The following ACVR1C variants were observed in gnomAD, a reference collection of about 807,000 sequenced individuals.
ACVR1C encodes the protein activin receptor type-1C.
ACVR1C carries 23 observed loss-of-function variants against 57.9 expected under a neutral mutation model. The observed-to-expected ratio is 0.40, with a 90% CI of 0.29 to 0.56. The LOEUF is 0.56. Among genes scored for constraint, ACVR1C ranks in the 20% least tolerant of loss-of-function variants. The pLI is 0.50. For missense variants in ACVR1C, 480 were observed against 607.9 expected, an observed-to-expected ratio of 0.79 and a Z score of 2.21; for synonymous variants, 214 against 215.3, an observed-to-expected ratio of 0.99 and a Z score of 0.05.
chr2:157,604,434 G>C (rs959192728), intron 1 of ACVR1C, among the ~76,000 whole-genome samples: 6 of 151,922 alleles, frequency 3.9e-5, no homozygotes, highest in African/African-American at 1.4e-4. Context: ...CACATCAGGA[G>C]CTTTTTTGAA....
chr2:157,565,114 T>A (rs1244516036), intron 2 of ACVR1C, among the ~76,000 whole-genome samples: 4 of 151,854 alleles, frequency 2.6e-5, no homozygotes, highest in Non-Finnish European at 5.9e-5. Context: ...TCCCAGAATT[T>A]AAAGTAAAAT....
At chr2:157,539,183 T>C (rs1473291294) in intron 7 of ACVR1C, among the ~76,000 whole-genome samples, 1 of 152,080 alleles carries the variant, frequency 6.6e-6, no homozygotes, top group African/African-American at 2.4e-5. Flanking sequence ...AGATAACTTT[T>C]TCAAAACAAA....
Position 157,554,217 on chromosome 2 carries a change from A to AAGAG in ACVR1C, c.544+1875_544+1876insCTCT, listed in dbSNP as rs1558974862. ...TAAAGAAGAGAGAAAGAAAGAAAGA[A>AAGAG]AGAAAGAAAGAAAGAAAGAAAGAAA... On this transcript the variant is annotated intron_variant, in intron 3 of 8. Coordinates refer to ENST00000243349, the MANE Select transcript of ACVR1C (RefSeq NM_145259.3). Among the ~76,000 whole-genome samples the AAGAG allele has an allele frequency of 6.7e-5, 7 of 104,434 alleles. No homozygotes were observed. In the South Asian group the frequency reaches 8.6e-4, roughly 13 times the overall value. The allele number at this position is 104,434 out of a possible 152,430, so 68.5% of individuals were successfully genotyped here.
chr2:157,623,207 C>G (rs1211153189), intron 1 of ACVR1C, among the ~76,000 whole-genome samples: 1 of 152,060 alleles, frequency 6.6e-6, no homozygotes, highest in East Asian at 1.9e-4. Flanking sequence ...GGAGGTTCCT[C>G]AAAAAATTAA....
chr2:157,527,056 CTA>C lies in ACVR1C; in HGVS notation c.*6860_*6861del, dbSNP rs1687245760. On this transcript the variant is annotated 3_prime_UTR_variant, in exon 9 of 9. Transcript: ENST00000243349. Reference sequence around the variant, plus strand: ...TGAGTTTTTAATAAATTCTAAAACACTATTATTTCTAAATAAAATAAGTCTAT... The same window carrying C: ...TGAGTTTTTAATAAATTCTAAAACACTTATTTCTAAATAAAATAAGTCTAT... 6.6e-6 allele frequency: 1 copy of C among 152,056 alleles called. No homozygotes were observed. The highest frequency in any genetic ancestry group is 2.4e-5 in the African/African-American group (1 of 41,400). 9.4% of individuals were successfully genotyped at this position (152,056 alleles called of 1,614,324 possible).
intron 1 of ACVR1C, among the ~76,000 whole-genome samples, chr2:157,626,802 T>C (rs1384429063): frequency 6.6e-6 from 1 of 152,250 alleles, no homozygotes; most frequent in African/African-American, 2.4e-5. Context: ...TTAAGGAGAT[T>C]TGAAAATGAT....
At chr2:157,579,229 C>T (rs1173160307) in intron 2 of ACVR1C, among the ~76,000 whole-genome samples, 1 of 152,128 alleles carries the variant, frequency 6.6e-6, no homozygotes, top group Non-Finnish European at 1.5e-5. Flanking sequence ...TTTTCTCTCC[C>T]CTCTCTTTTG....
chr2:157,562,540 G>T (rs182942692), intron 2 of ACVR1C, among the ~76,000 whole-genome samples: 1 of 151,108 alleles, frequency 6.6e-6, no homozygotes, highest in East Asian at 1.9e-4. Context: ...AGGACCAGAC[G>T]TACAGAGAGG....
chr2:157,618,883 T>C (rs990213478), intron 1 of ACVR1C, among the ~76,000 whole-genome samples: 1 of 151,262 alleles, frequency 6.6e-6, no homozygotes, highest in African/African-American at 2.4e-5. Context: ...AAGAACAAAA[T>C]ATTCAAATAT....
At chr2:157,601,307 A>G (rs1004677898) in intron 1 of ACVR1C, among the ~76,000 whole-genome samples, 1 of 152,096 alleles carries the variant, frequency 6.6e-6, no homozygotes, top group Non-Finnish European at 1.5e-5. Flanking sequence ...ATAAAAAAAG[A>G]CAGTCTCAAA....
intron 2 of ACVR1C, among the ~76,000 whole-genome samples, chr2:157,567,289 A>C (rs552624519): frequency 9.4e-6 from 1 of 106,294 alleles, no homozygotes; most frequent in African/African-American, 4.4e-5. Context: ...AAAAACTGGA[A>C]ACTCTAAAAC....
intron 1 of ACVR1C, among the ~76,000 whole-genome samples, chr2:157,615,906 A>G (rs1682636151): frequency 6.6e-6 from 1 of 152,172 alleles, no homozygotes; most frequent in South Asian, 2.1e-4. Flanking sequence ...GGTATTTTTT[A>G]ATGCAAGCTG....
At chr2:157,548,998 G>T (rs1166428020) in intron 4 of ACVR1C, among the ~76,000 whole-genome samples, 1 of 152,166 alleles carries the variant, frequency 6.6e-6, no homozygotes, top group African/African-American at 2.4e-5. Flanking sequence ...GTATTAATTG[G>T]TATGTCTGTA....
At chr2:157,612,501 C>T (rs1322518839) in intron 1 of ACVR1C, among the ~76,000 whole-genome samples, 1 of 152,202 alleles carries the variant, frequency 6.6e-6, no homozygotes, top group African/African-American at 2.4e-5. Flanking sequence ...CTCAGGCTCA[C>T]CCACCTCAGC....
At chr2:157,609,049 G>A (rs1452816065) in intron 1 of ACVR1C, among the ~76,000 whole-genome samples, 2 of 151,438 alleles carry the variant, frequency 1.3e-5, no homozygotes, top group Admixed American at 6.6e-5. Context: ...GGTTCATTGA[G>A]GTGCCTTGTT....
chr2:157,601,608 C>CAAAAA (rs1388446887), intron 1 of ACVR1C, among the ~76,000 whole-genome samples: 1 of 152,074 alleles, frequency 6.6e-6, no homozygotes, highest in East Asian at 1.9e-4. Flanking sequence ...CAAAACAAAA[C>CAAAAA]AAAAAACTAT....
intron 1 of ACVR1C, among the ~76,000 whole-genome samples, chr2:157,627,603 A>G (rs1682924432): frequency 6.6e-6 from 1 of 152,226 alleles, no homozygotes; most frequent in Non-Finnish European, 1.5e-5. Context: ...ATTAATGTCA[A>G]ACAGATTGTC....
intron 1 of ACVR1C, among the ~76,000 whole-genome samples, chr2:157,594,535 T>C (rs1475106875): frequency 6.6e-6 from 1 of 152,152 alleles, no homozygotes; most frequent in Non-Finnish European, 1.5e-5. Context: ...CTCTAATTAA[T>C]ATTAAAAATT....
At chr2:157,605,604 T>C (rs1192389055) in intron 1 of ACVR1C, among the ~76,000 whole-genome samples, 4 of 151,764 alleles carry the variant, frequency 2.6e-5, no homozygotes, top group Non-Finnish European at 4.4e-5. Flanking sequence ...AAGTCTCCTA[T>C]ATAAAATGGC....
Sources: gnomAD v4.1 joint callset for allele counts (sites outside exome capture counted in the v4.1 genomes callset) on GRCh38, gnomAD v4.1.1 for gene constraint, MANE v1.5 for transcripts, NCBI Gene and HGNC (gene_info 2026-07-23, HGNC 2026-07-21) for gene names.